Variants in AKAP13 observed in about 807,000 individuals in gnomAD.
AKAP13 encodes A-kinase anchoring protein 13.
Under a neutral mutation model 264.5 loss-of-function variants are expected in AKAP13, and 80 were observed. The observed-to-expected ratio is 0.30, with a 90% confidence interval of 0.25 to 0.36. The LOEUF is 0.36. Among genes scored for constraint, AKAP13 ranks in the 10% least tolerant of loss-of-function variants. The pLI, the probability that AKAP13 is intolerant of heterozygous loss-of-function variation, is 1.00. For missense variants in AKAP13, 3,712 were observed against 3,435.2 expected (o/e 1.08, Z -2.01); for synonymous variants, 1,380 against 1,250.2 (o/e 1.10, Z -2.19).
At chr15:85,492,627 AT>A (rs2075762148) in intron 2 of AKAP13, among the ~76,000 whole-genome samples, 2 of 152,224 alleles carry the variant, frequency 1.3e-5, no homozygotes, top group South Asian at 4.1e-4. Context: ...AAAAACAGGA[AT>A]TGTAACATTG....
At chr15:85,428,707 T>A (rs1165926055) in intron 1 of AKAP13, among the ~76,000 whole-genome samples, 1 of 152,246 alleles carries the variant, frequency 6.6e-6, no homozygotes, top group Non-Finnish European at 1.5e-5. Context: ...CGTTTGGCTT[T>A]CTGGTGATCT....
In AKAP13 at chr15:85,579,485, G is replaced by C; in HGVS notation, c.1417G>C (p.Val473Leu). 5.6e-6 allele frequency: 9 copies of C among 1,614,136 alleles called. No individual in the cohort carries two copies. Among genetic ancestry groups the C allele is most frequent in the Non-Finnish European group, 7.6e-6 (9 of 1,180,014 alleles). The change falls in exon 7 of 37, where the codon GTC (valine) becomes CTC (leucine). Residue 473 changes from valine (V) to leucine (L), a missense_variant. Around this residue, in one of 3 missense-constraint regions of AKAP13, gnomAD observed 2,759 missense variants for 2,411.7 expected, o/e 1.14. Transcript: ENST00000394518. ...ACTGGGAGGCATTTCAACAACAAAT[G>C]TCAGTACCCCAGACACTGCAGGGGA... Reference protein sequence around the residue: ...GELGGISTTNVSTPDTAGEME... With the variant: ...GELGGISTTNLSTPDTAGEME...
At chr15:85,618,271 C>A (rs865790871) in intron 8 of AKAP13, among the ~76,000 whole-genome samples, 1 of 152,066 alleles carries the variant, frequency 6.6e-6, no homozygotes, top group African/African-American at 2.4e-5. Flanking sequence ...TTTCTATATC[C>A]GTTTTTTAGC....
At chr15:85,668,495 A>G (rs938307256) in intron 13 of AKAP13, among the ~76,000 whole-genome samples, 1 of 152,226 alleles carries the variant, frequency 6.6e-6, no homozygotes, top group Admixed American at 6.5e-5. Context: ...TTACTGAGAG[A>G]GTTAAATTAT....
chr15:85,727,275 C>G lies in AKAP13; in HGVS notation c.7004+28C>G, dbSNP rs2087671580. ...AAGTTAACCACCAGGCCCCACCCTT[C>G]CCAGCCCTCCTGATGTCTCTGTGTG... On this transcript the variant is annotated intron_variant, in intron 28 of 36. Coordinates refer to ENST00000394518, the MANE Select transcript of AKAP13 (RefSeq NM_007200.5). This position sits in a 1 kb window ranked among gnomAD's most constrained non-coding sequence, Gnocchi z 5.3. 8 of 1,612,604 alleles carry G rather than the reference C, an allele frequency of 5.0e-6. No individual in the cohort carries two copies. The highest frequency in any genetic ancestry group is 6.8e-6 in the Non-Finnish European group (8 of 1,178,936).
At chr15:85,664,988 C>G (rs2083509532) in intron 13 of AKAP13, among the ~76,000 whole-genome samples, 2 of 151,976 alleles carry the variant, frequency 1.3e-5, no homozygotes, top group South Asian at 4.1e-4. Flanking sequence ...ATCAATTGAG[C>G]CCAGGAGTTC....
intron 1 of AKAP13, among the ~76,000 whole-genome samples, chr15:85,450,617 A>G (rs956415847): frequency 7.2e-5 from 11 of 152,150 alleles, no homozygotes; most frequent in Non-Finnish European, 1.6e-4. Flanking sequence ...TTATTTACCT[A>G]AAAGTCATTC....
At chr15:85,567,270 G>C (rs916810094) in intron 5 of AKAP13, among the ~76,000 whole-genome samples, 9 of 151,898 alleles carry the variant, frequency 5.9e-5, no homozygotes, top group African/African-American at 2.2e-4. Context: ...ACCACACCCA[G>C]CTAATTTTTG....
intron 10 of AKAP13, among the ~76,000 whole-genome samples, chr15:85,647,629 CA>C (rs1396295656): frequency 6.6e-6 from 1 of 151,816 alleles, no homozygotes; most frequent in African/African-American, 2.4e-5. Flanking sequence ...AGTGACTTGA[CA>C]AAAAATTCTA....
chr15:85,628,791 CTG>C (rs2081554547), intron 8 of AKAP13, among the ~76,000 whole-genome samples: 1 of 152,120 alleles, frequency 6.6e-6, no homozygotes, highest in African/African-American at 2.4e-5. Flanking sequence ...TCAACAATGA[CTG>C]TTTTCCAATA....
In AKAP13 at chr15:85,581,420, C is replaced by T. The variant is rs559687695; in HGVS notation, c.3352C>T (p.Pro1118Ser). 6.2e-7 allele frequency: 1 copy of T among 1,614,204 alleles called. No homozygotes were observed. The highest frequency in any genetic ancestry group is 1.3e-5 in the African/African-American group (1 of 75,054). ...ISHNTQDILI[P>S]NVLLSQEKNA... Reference sequence around the variant, plus strand: ...ACACAACACCCAAGACATCCTGATTCCAAACGTCTTGTTGAGCCAAGAGAA... The same window carrying T: ...ACACAACACCCAAGACATCCTGATTTCAAACGTCTTGTTGAGCCAAGAGAA... Residue 1118 changes from proline (P) to serine (S), a missense_variant, in exon 7 of 37, where the codon CCA (proline) becomes TCA (serine). Physicochemically the swap from Pro to Ser is moderately conservative, Grantham distance 74. Coordinates refer to ENST00000394518, the MANE Select transcript of AKAP13 (RefSeq NM_007200.5).
chr15:85,728,384 G>C (rs966852980), intron 29 of AKAP13, among the ~76,000 whole-genome samples: 1 of 152,222 alleles, frequency 6.6e-6, no homozygotes, highest in Non-Finnish European at 1.5e-5. Context: ...ACCAGAGCCA[G>C]AGTTATAGCA....
chr15:85,682,837 TTGTATTTTTAGTAGGGA>T (rs2084671126), intron 15 of AKAP13, among the ~76,000 whole-genome samples: 2 of 152,110 alleles, frequency 1.3e-5, no homozygotes, highest in African/African-American at 2.4e-5. Context: ...CCAGCTAATT[TTGTATTTTTAGTAGGGA>T]TGGGGTTTCT....
chr15:85,591,838 G>A (rs1023407493), intron 8 of AKAP13, among the ~76,000 whole-genome samples: 15 of 152,058 alleles, frequency 9.9e-5, no homozygotes. Flanking sequence ...CTTTGCATAA[G>A]CTTATTAGCC....
At chr15:85,552,589 A>G (rs2077994520) in intron 5 of AKAP13, among the ~76,000 whole-genome samples, 1 of 149,404 alleles carries the variant, frequency 6.7e-6, no homozygotes, top group African/African-American at 2.5e-5. Context: ...AAATACATTT[A>G]TATCAGGATT....
chr15:85,647,192 A>C (rs2151493449), intron 10 of AKAP13, among the ~76,000 whole-genome samples: 1 of 152,286 alleles, frequency 6.6e-6, no homozygotes, highest in South Asian at 2.1e-4. Context: ...TGAGGTCAGG[A>C]GTTCGAGACC....
Position 85,708,142 on chromosome 15 carries a change from T to C in AKAP13, c.5532+56T>C. The C allele has an allele frequency of 1.3e-6, 2 of 1,541,870 alleles. No homozygotes were observed. Among genetic ancestry groups the C allele is most frequent in the South Asian group, 1.1e-5 (1 of 87,668 alleles). On this transcript the variant is annotated intron_variant, in intron 18 of 36. Transcript: ENST00000394518. This position sits in a 1 kb window ranked among gnomAD's most constrained non-coding sequence, Gnocchi z 4.3. The stretch of plus-strand genomic sequence containing the variant: ...AATAAAAGGGTTTAAACCAGCAAAA[T>C]CCTCGGGAGTTGGGAGAGTTGAGGT...
intron 35 of AKAP13, 87 bp from the exon 36 acceptor site, chr15:85,743,405 C>CCA (rs2151792257): frequency 7.0e-7 from 1 of 1,419,522 alleles, no homozygotes; most frequent in Admixed American, 1.9e-5. Flanking sequence ...GCCAGCACAC[C>CCA]CAGTTGAATT....
chr15:85,402,257 T>C (rs1372893823), intron 1 of AKAP13, among the ~76,000 whole-genome samples: 2 of 152,240 alleles, frequency 1.3e-5, no homozygotes, highest in Non-Finnish European at 2.9e-5. Context: ...CACTTTCCTC[T>C]AGTTTATTTT....
Sources: gnomAD v4.1 joint callset for allele counts (sites outside exome capture counted in the v4.1 genomes callset) on GRCh38, gnomAD v4.1.1 for gene constraint, gnomAD v4.1.1 regional missense constraint, Gnocchi (gnomAD v3.1) non-coding constraint, MANE v1.5 for transcripts, NCBI Gene and HGNC (gene_info 2026-07-23, HGNC 2026-07-21) for gene names.